The following PRH1 variants were observed in gnomAD, a reference collection of about 807,000 sequenced individuals.
PRH1 encodes salivary acidic proline-rich phosphoprotein 1/2.
PRH1 carries 7 observed loss-of-function variants against 7.9 expected under a neutral mutation model. That is an observed-to-expected ratio of 0.89 (90% confidence interval 0.50 to 1.67). The LOEUF (loss-of-function observed/expected upper bound fraction) is 1.67, where lower values mean the gene tolerates loss of function less well. Among genes scored for constraint, PRH1 ranks in the 40% most tolerant of loss-of-function variants. The pLI is 0.00. For missense variants in PRH1, 109 were observed against 223.6 expected (o/e 0.49, Z 3.27); for synonymous variants, 45 against 80.8 (o/e 0.56, Z 2.38).
intron 1 of PRH1, among the ~76,000 whole-genome samples, chr12:10,977,999 A>C (rs778436523): frequency 4.6e-5 from 7 of 152,018 alleles, no homozygotes; most frequent in Non-Finnish European, 7.4e-5. Flanking sequence ...CAATTTACAG[A>C]TTCAGTGCTA....
At chr12:10,959,356 G>A (rs957894129) in intron 2 of PRH1, among the ~76,000 whole-genome samples, 4 of 152,000 alleles carry the variant, frequency 2.6e-5, no homozygotes, top group Admixed American at 6.6e-5. Flanking sequence ...GGAGACCAGC[G>A]TTGAGATCTC....
intron 2 of PRH1, among the ~76,000 whole-genome samples, chr12:10,936,447 C>T (rs1321554181): frequency 1.3e-5 from 2 of 152,018 alleles, no homozygotes; most frequent in African/African-American, 4.8e-5. Context: ...ATAAAGTGTA[C>T]AATTTCATGA....
chr12:10,952,486 A>T (rs1459636890), intron 2 of PRH1, among the ~76,000 whole-genome samples: 1 of 152,150 alleles, frequency 6.6e-6, no homozygotes, highest in Admixed American at 6.5e-5. Flanking sequence ...ATTTTTTTTT[A>T]AATACAAAGT....
chr12:10,887,069 T>A (rs1259398436), upstream of PRH1, among the ~76,000 whole-genome samples: 1 of 152,246 alleles, frequency 6.6e-6, no homozygotes, highest in Non-Finnish European at 1.5e-5. Flanking sequence ...GCACTTGTGA[T>A]AAGATCCAAA....
chr12:11,019,276 C>T (rs1279098149), intron 1 of PRH1, among the ~76,000 whole-genome samples: 1 of 152,220 alleles, frequency 6.6e-6, no homozygotes, highest in Non-Finnish European at 1.5e-5. Context: ...TGATGACCAC[C>T]ATGCTGTCTG....
At chr12:11,130,191 C>G (rs901072619) in intron 1 of PRH1, among the ~76,000 whole-genome samples, 21 of 152,166 alleles carry the variant, frequency 1.4e-4, no homozygotes, top group African/African-American at 5.1e-4. Context: ...GTACAATAAT[C>G]AGGAAATGGC....
intron 1 of PRH1, among the ~76,000 whole-genome samples, chr12:11,013,847 G>A (rs768581288): frequency 6.6e-6 from 1 of 151,988 alleles, no homozygotes; most frequent in African/African-American, 2.4e-5. Flanking sequence ...TCCCACCTTG[G>A]CCTCCCAAGT....
rs532705036 is a variant in PRH1, at chr12:11,091,076, T to A, written n.124-43888A>T. Reference sequence around the variant, plus strand: ...ACAGAAAAGAGCATGTTGTTGTCAATGTTAAGTTTTCATACACAAATACAC... The same window carrying A: ...ACAGAAAAGAGCATGTTGTTGTCAAAGTTAAGTTTTCATACACAAATACAC... On this transcript the variant is annotated intron_variant and non_coding_transcript_variant, in intron 1 of 4. Coordinates refer to the PRH1 transcript ENST00000541977. 2.5e-3 allele frequency among the ~76,000 whole-genome samples: 149 copies of A among 59,072 alleles called. 22 individuals are homozygous for A. Among genetic ancestry groups the A allele is most frequent in the African/African-American group, 6.5e-3 (145 of 22,150 alleles). The allele number at this position is 59,072 out of a possible 152,430, so 38.8% of individuals were successfully genotyped here. A position where few individuals can be genotyped will look rare whatever the true frequency, so the allele number is the denominator to read the frequency against.
chr12:11,118,395 G>A (rs910914748), downstream of PRH1, among the ~76,000 whole-genome samples: 1 of 152,128 alleles, frequency 6.6e-6, no homozygotes, highest in Non-Finnish European at 1.5e-5. Context: ...AGTTAAAACA[G>A]CTTATATACA....
At chr12:11,119,104 G>A (rs1468966933), downstream of PRH1, among the ~76,000 whole-genome samples, 1 of 151,920 alleles carries the variant, frequency 6.6e-6, no homozygotes, top group African/African-American at 2.4e-5. Context: ...GCAGCAATAC[G>A]GATGGAATTG....
intron 1 of PRH1, among the ~76,000 whole-genome samples, chr12:11,164,160 T>C (rs1325443226): frequency 6.6e-6 from 1 of 152,150 alleles, no homozygotes; most frequent in Admixed American, 6.5e-5. Context: ...TCTGTAAAGG[T>C]GTTTCTAGAA....
intron 2 of PRH1, among the ~76,000 whole-genome samples, chr12:10,948,919 C>T (rs1950528676): frequency 6.6e-6 from 1 of 152,044 alleles, no homozygotes; most frequent in Admixed American, 6.6e-5. Flanking sequence ...GGGTGTAATC[C>T]AGCAGGTGAC....
At chr12:10,949,378 G>A (rs1210922110) in intron 2 of PRH1, among the ~76,000 whole-genome samples, 1 of 152,236 alleles carries the variant, frequency 6.6e-6, no homozygotes, top group East Asian at 1.9e-4. Flanking sequence ...TCCAAGAGTG[G>A]CAAGGGCAGT....
chr12:11,106,469 T>C (rs1256744843), intron 1 of PRH1, among the ~76,000 whole-genome samples: 1 of 152,214 alleles, frequency 6.6e-6, no homozygotes, highest in Non-Finnish European at 1.5e-5. Context: ...ACTAAGTTTT[T>C]CTCTTGAGTT....
At chr12:11,010,644 G>A (rs1941025085) in intron 1 of PRH1, among the ~76,000 whole-genome samples, 1 of 151,844 alleles carries the variant, frequency 6.6e-6, no homozygotes, top group South Asian at 2.1e-4. Context: ...CCTAAGAGTA[G>A]TGTATGAAAA....
At chr12:11,048,837 GA>G, upstream of PRH1, 2 of 278,566 alleles carry the variant, frequency 7.2e-6, no homozygotes, top group South Asian at 6.6e-5. Flanking sequence ...GATTACAAAT[GA>G]AAAATACCAA....
intron 1 of PRH1, among the ~76,000 whole-genome samples, chr12:11,155,743 C>A (rs1173592975): frequency 6.6e-6 from 1 of 151,918 alleles, no homozygotes; most frequent in African/African-American, 2.4e-5. Context: ...AATTATTAAT[C>A]CTTCCTTAAT....
chr12:11,027,903 A>G (rs1941999170), intron 1 of PRH1, among the ~76,000 whole-genome samples: 1 of 152,224 alleles, frequency 6.6e-6, no homozygotes, highest in African/African-American at 2.4e-5. Context: ...CCAAGCATAG[A>G]GTCCCTCTAA....
upstream of PRH1, among the ~76,000 whole-genome samples, chr12:10,884,626 G>A (rs568881013): frequency 5.9e-5 from 9 of 152,194 alleles, no homozygotes; most frequent in South Asian, 2.1e-4. Context: ...TGGGTGTGTC[G>A]GGGGGTGGAC....
Sources: gnomAD v4.1 joint callset for allele counts (sites outside exome capture counted in the v4.1 genomes callset) on GRCh38, gnomAD v4.1.1 for gene constraint, MANE v1.5 for transcripts, NCBI Gene and HGNC (gene_info 2026-07-23, HGNC 2026-07-21) for gene names.